Variants in ENPP3 observed in about 807,000 individuals in gnomAD.
ENPP3 encodes ectonucleotide pyrophosphatase/phosphodiesterase 3.
In ENPP3, 104 loss-of-function variants were observed where a neutral mutation model predicts 117.8. The observed-to-expected ratio is 0.88, with a 90% confidence interval of 0.75 to 1.04. The LOEUF (loss-of-function observed/expected upper bound fraction) is 1.04. Among genes scored for constraint, ENPP3 ranks in the 50% least tolerant of loss-of-function variants. ENPP3 has a pLI of 0.00. For synonymous variants in ENPP3, 380 were observed against 349.9 expected, an observed-to-expected ratio of 1.09 and a Z score of -0.96; for missense variants, 1,026 against 1,051.9, an observed-to-expected ratio of 0.98 and a Z score of 0.34.
chr6:131,703,360 CTT>C lies in ENPP3; in HGVS notation c.1412+9737_1412+9738del, dbSNP rs1169157594. 2.3e-5 allele frequency among the ~76,000 whole-genome samples: 3 copies of C among 133,128 alleles called. No individual in the cohort carries two copies. In the East Asian group the frequency reaches 6.9e-4, roughly 31 times the overall value. 87.3% of individuals were successfully genotyped at this position (133,128 alleles called of 152,430 possible). ...CAGTTGCACACAGATATTTCTTGAA[CTT>C]AAAAAAAGCTACCAGCCAAAATAAC... On this transcript the variant is annotated intron_variant, in intron 15 of 24. Transcript: ENST00000357639.
chr6:131,655,934 T>C (rs1302820221), intron 5 of ENPP3, among the ~76,000 whole-genome samples: 1 of 152,164 alleles, frequency 6.6e-6, no homozygotes, highest in African/African-American at 2.4e-5. Context: ...ATACCTTCCA[T>C]CCCTGCATGG....
At chr6:131,644,572 C>A (rs963723490) in intron 2 of ENPP3, among the ~76,000 whole-genome samples, 2 of 152,154 alleles carry the variant, frequency 1.3e-5, no homozygotes, top group African/African-American at 4.8e-5. Flanking sequence ...CATGAATTTC[C>A]ATAACTGAGT....
intron 17 of ENPP3, among the ~76,000 whole-genome samples, chr6:131,720,677 G>A (rs1314665062): frequency 6.6e-6 from 1 of 152,126 alleles, no homozygotes; most frequent in Non-Finnish European, 1.5e-5. Context: ...CGCCTCCCAG[G>A]TTCAAGTTAT....
At chr6:131,638,309 C>T in intron 1 of ENPP3, 1 of 232,736 alleles carries the variant, frequency 4.3e-6, no homozygotes, top group South Asian at 4.7e-5. Flanking sequence ...GACTTTTTTC[C>T]TTATCTGCAT....
chr6:131,697,742 G>A (rs1777757843), intron 15 of ENPP3, among the ~76,000 whole-genome samples: 1 of 152,154 alleles, frequency 6.6e-6, no homozygotes, highest in East Asian at 1.9e-4. Flanking sequence ...GACAGGAGGC[G>A]GAGCTCAGGT....
intron 15 of ENPP3, among the ~76,000 whole-genome samples, chr6:131,715,837 G>T (rs1040166352): frequency 1.3e-5 from 2 of 152,016 alleles, no homozygotes; most frequent in Non-Finnish European, 2.9e-5. Context: ...AGATGGGCTT[G>T]CCAGGTCCAG....
At chr6:131,687,468 C>G (rs1055316641) in intron 14 of ENPP3, among the ~76,000 whole-genome samples, 1 of 152,112 alleles carries the variant, frequency 6.6e-6, no homozygotes, top group Non-Finnish European at 1.5e-5. Context: ...TAATTTTTGG[C>G]TAAGTCCCCA....
intron 6 of ENPP3, 97 bp downstream of exon 6, chr6:131,658,517 G>A (rs1778433195): frequency 4.3e-6 from 3 of 693,646 alleles, no homozygotes; most frequent in African/African-American, 1.8e-5. Context: ...TAACGCTGGT[G>A]GTTTGTCTTA....
In ENPP3 at chr6:131,739,560, G is replaced by A. The variant is rs574605265; in HGVS notation, c.2301-664G>A. 6.0e-5 allele frequency among the ~76,000 whole-genome samples: 9 copies of A among 149,994 alleles called. No homozygotes were observed. In the East Asian group the frequency reaches 1.4e-3, roughly 23 times the overall value. On this transcript the variant is annotated intron_variant, in intron 23 of 24. Coordinates refer to ENST00000357639, the MANE Select transcript of ENPP3 (RefSeq NM_005021.5). ...CTGTGAAGTATGAAGTCAACAAAAC[G>A]AGGAAATGCAGGAGGCAGAATATCA...
intron 15 of ENPP3, chr6:131,709,737 A>G (rs1329406967): frequency 6.2e-7 from 1 of 1,613,900 alleles, no homozygotes; most frequent in East Asian, 2.2e-5. Context: ...CCAGCTCTTC[A>G]GTGGCATGGC....
At chr6:131,729,866 CT>C (rs926827599) in intron 20 of ENPP3, among the ~76,000 whole-genome samples, 61 of 145,508 alleles carry the variant, frequency 4.2e-4, no homozygotes, top group Admixed American at 4.8e-4. Flanking sequence ...GAAAATGTGA[CT>C]TTTTTTTTTT....
chr6:131,730,914 C>CAAAA (rs528990087), intron 20 of ENPP3, among the ~76,000 whole-genome samples: 1,890 of 98,064 alleles, frequency 0.019, 37 homozygotes, highest in African/African-American at 0.062. Context: ...GACTCCATCT[C>CAAAA]AAAAAAAAAA....
intron 14 of ENPP3, among the ~76,000 whole-genome samples, chr6:131,693,196 TGA>T (rs572517749): frequency 2.4e-4 from 37 of 151,090 alleles, no homozygotes; most frequent in African/African-American, 7.5e-4. Flanking sequence ...TTTATTTTTT[TGA>T]GAGAGTCTCA....
intron 6 of ENPP3, among the ~76,000 whole-genome samples, chr6:131,661,100 A>G (rs1486903655): frequency 2.6e-5 from 4 of 152,170 alleles, no homozygotes; most frequent in Non-Finnish European, 5.9e-5. Flanking sequence ...CATTGTATGT[A>G]TATGCCACCT....
chr6:131,707,289 C>A (rs1234376387), intron 15 of ENPP3, among the ~76,000 whole-genome samples: 1 of 140,688 alleles, frequency 7.1e-6, no homozygotes, highest in South Asian at 2.3e-4. Context: ...GTAGTGATAT[C>A]GCCTGTTTCA....
At chr6:131,677,483 A>G (rs531026962) in intron 10 of ENPP3, among the ~76,000 whole-genome samples, 1 of 152,290 alleles carries the variant, frequency 6.6e-6, no homozygotes, top group East Asian at 1.9e-4. Context: ...AAGGCTAATC[A>G]GGAGCTCCAG....
At chr6:131,733,394 T>G (rs1305192235) in intron 20 of ENPP3, among the ~76,000 whole-genome samples, 194 bp from the exon 21 acceptor site, 2 of 152,184 alleles carry the variant, frequency 1.3e-5, no homozygotes, top group Non-Finnish European at 2.9e-5. Context: ...GCCCTCCCGA[T>G]GTCCTTAACC....
At position 131,703,965 on chromosome 6, in the gene ENPP3, T is replaced by C. The variant is rs537810542; in HGVS notation, c.1412+10341T>C. On this transcript the variant is annotated intron_variant, in intron 15 of 24. Coordinates refer to ENST00000357639, the MANE Select transcript of ENPP3 (RefSeq NM_005021.5). ...AGAGAACTGAGCTTCTGTCTCATTCTGTCTCTGAGGAAGCCACAGTGATAA... is the reference window on the plus strand; with the variant it reads ...AGAGAACTGAGCTTCTGTCTCATTCCGTCTCTGAGGAAGCCACAGTGATAA... Among the ~76,000 whole-genome samples the C allele has an allele frequency of 3.5e-3, 537 of 152,156 alleles. 7 individuals are homozygous for C. Among genetic ancestry groups the C allele is most frequent in the African/African-American group, 0.012 (488 of 41,462 alleles).
intron 24 of ENPP3, among the ~76,000 whole-genome samples, chr6:131,741,035 CACACACACACACAA>C (rs1735036922): frequency 6.6e-6 from 1 of 151,414 alleles, no homozygotes; most frequent in Non-Finnish European, 1.5e-5. Context: ...ATTGATTATA[CACACACACACACAA>C]ACACACACAC....
Sources: gnomAD v4.1 joint callset for allele counts (sites outside exome capture counted in the v4.1 genomes callset) on GRCh38, gnomAD v4.1.1 for gene constraint, MANE v1.5 for transcripts, NCBI Gene and HGNC (gene_info 2026-07-23, HGNC 2026-07-21) for gene names.